The following HSF4 variants were observed in gnomAD, a reference collection of about 807,000 sequenced individuals.
HSF4 encodes heat shock transcription factor 4, also known as heat shock factor protein 4.
In HSF4, 41 loss-of-function variants were observed where a neutral mutation model predicts 52.0. The ratio of observed to expected loss-of-function variants is 0.79; its 90% CI spans 0.61 to 1.02. HSF4 has a LOEUF of 1.02. Among genes scored for constraint, HSF4 ranks in the 50% least tolerant of loss-of-function variants. The pLI, the probability that HSF4 is intolerant of heterozygous loss-of-function variation, is 0.00. For missense variants in HSF4, 610 were observed against 651.1 expected (o/e 0.94, Z 0.69); for synonymous variants, 285 against 273.0 (o/e 1.04, Z -0.43).
At position 67,169,894 on chromosome 16, in the gene HSF4, T is replaced by A. The variant is rs2031629419; in HGVS notation, c.*109T>A. 9.2e-7 allele frequency: 1 copy of A among 1,087,864 alleles called. No individual in the cohort carries two copies. The highest frequency in any genetic ancestry group is 1.4e-6 in the Non-Finnish European group (1 of 712,696). The allele number at this position is 1,087,864 out of a possible 1,614,324, so 67.4% of individuals were successfully genotyped here. A position where few individuals can be genotyped will look rare whatever the true frequency, so the allele number is the denominator to read the frequency against. On this transcript the variant is annotated 3_prime_UTR_variant, in exon 13 of 13. Transcript: ENST00000521374. This position sits in a 1 kb window ranked among gnomAD's most constrained non-coding sequence, Gnocchi z 4.3. ...GCGAAGCCCCCACTACTAAATGGCC[T>A]CTCTCCACTACCCCGACTATCCCTG... is the stretch of plus-strand genomic sequence containing the variant.
In HSF4 at chr16:67,169,929, T is replaced by A; in HGVS notation, c.*144T>A. On this transcript the variant is annotated 3_prime_UTR_variant, in exon 13 of 13. Transcript: ENST00000521374. The surrounding 1 kb of genome is among the most constrained non-coding windows in gnomAD (Gnocchi z 4.3). ...ACCCCGACTATCCCTGCACATAAAC[T>A]CCGTTTTTTTTTTTTCTGTTTCTGG... 5 of 748,982 alleles carry A rather than the reference T, an allele frequency of 6.7e-6. No homozygotes were observed. The highest frequency in any genetic ancestry group is 1.1e-5 in the Non-Finnish European group (5 of 457,312). 46.4% of individuals were successfully genotyped at this position (748,982 alleles called of 1,614,324 possible).
chr16:67,164,352 C>T (rs1392297661), upstream of HSF4: 7 of 393,544 alleles, frequency 1.8e-5, no homozygotes, highest in African/African-American at 2.1e-5. Flanking sequence ...TCCCGGGGTT[C>T]GGCGGGAGGG....
At chr16:67,166,530 A>G (rs1217329966) in intron 5 of HSF4, 28 bp from the exon 6 acceptor site, 1 of 1,613,116 alleles carries the variant, frequency 6.2e-7, no homozygotes, top group Non-Finnish European at 8.5e-7. Flanking sequence ...TGTCCAAAGT[A>G]TGAATTAAAC....
chr16:67,164,763 G>A lies in HSF4; in HGVS notation c.-49G>A, dbSNP rs758907777. On this transcript the variant is annotated 5_prime_UTR_variant, in exon 1 of 13. Coordinates refer to ENST00000521374, the MANE Select transcript of HSF4 (RefSeq NM_001374675.1). ...ACGCAGCACTTTCCGCGGCTTTGAC[G>A]AGCCCGCAGCGGCCGGGCCCGAGCG... 1.9e-6 allele frequency: 3 copies of A among 1,555,312 alleles called. No homozygotes were observed. The highest frequency in any genetic ancestry group is 2.4e-5 in the East Asian group (1 of 41,576).
At position 67,165,315 on chromosome 16, in the gene HSF4, G is replaced by T. The variant is rs1246923452; in HGVS notation, c.124-207G>T. 5 of 610,654 alleles carry T rather than the reference G, an allele frequency of 8.2e-6. No individual in the cohort carries two copies. The East Asian group carries it at 1.4e-4, about 17-fold the overall frequency. The allele number at this position is 610,654 out of a possible 1,614,324, so 37.8% of individuals were successfully genotyped here. ...TGAGTATGGAGTCAGGGTCTGGCTG[G>T]GGGTAGGGACTCACTGTGGTCGCTC... On this transcript the variant is annotated intron_variant, in intron 1 of 12. Transcript: ENST00000521374. This position sits in a 1 kb window ranked among gnomAD's most constrained non-coding sequence, Gnocchi z 6.9.
rs916801982 is a variant in HSF4, at chr16:67,166,090, AAG to A, written c.485+23_485+24del. ...CAGGCAGTGCGGGGGCGGGCGGGGA[AAG>A]AGGGGACAGGGGTGGGGGGTTCGGG... On this transcript the variant is annotated intron_variant, in intron 4 of 12. Coordinates refer to ENST00000521374, the MANE Select transcript of HSF4 (RefSeq NM_001374675.1). The A allele has an allele frequency of 5.3e-6, 7 of 1,322,690 alleles. No individual in the cohort carries two copies. Among genetic ancestry groups the A allele is most frequent in the Non-Finnish European group, 7.3e-6 (7 of 957,776 alleles). 81.9% of individuals were successfully genotyped at this position (1,322,690 alleles called of 1,614,324 possible).
At chr16:67,167,043 A>T in intron 6 of HSF4, 77 bp from the exon 7 acceptor site, 2 of 1,601,886 alleles carry the variant, frequency 1.2e-6, no homozygotes, top group South Asian at 2.2e-5. Context: ...GGCCTGAGGG[A>T]GGGAGGGAAG....
chr16:67,167,021 C>G, intron 6 of HSF4, 99 bp from the exon 7 acceptor site: 1 of 1,554,628 alleles, frequency 6.4e-7, no homozygotes, highest in Non-Finnish European at 8.8e-7. Flanking sequence ...GCTCTGCTGA[C>G]TTGGCTGCTG....
rs570652365 is a variant in HSF4 at position 67,169,364 on chromosome 16, A to C, written c.1324+16A>C. 8.5e-5 allele frequency: 137 copies of C among 1,610,096 alleles called. 2 individuals are homozygous for C. In the South Asian group the frequency reaches 1.5e-3, roughly 17 times the overall value. On this transcript the variant is annotated intron_variant, in intron 12 of 12. Transcript: ENST00000521374. The surrounding 1 kb of genome is among the most constrained non-coding windows in gnomAD (Gnocchi z 4.3). Reference sequence around the variant, plus strand: ...CCAAGCCCAGGTAATGGTTGTGATGACTCCTACCTGGGAGGACGCCGTGAT... The same window carrying C: ...CCAAGCCCAGGTAATGGTTGTGATGCCTCCTACCTGGGAGGACGCCGTGAT...
Position 67,169,880 on chromosome 16 carries a change from A to G in HSF4, c.*95A>G. 1 of 1,329,966 alleles carries G rather than the reference A, an allele frequency of 7.5e-7. No individual in the cohort carries two copies. The highest frequency in any genetic ancestry group is 1.2e-5 in the South Asian group (1 of 85,414). 82.4% of individuals were successfully genotyped at this position (1,329,966 alleles called of 1,614,324 possible). On this transcript the variant is annotated 3_prime_UTR_variant, in exon 13 of 13. Transcript: ENST00000521374. This position sits in a 1 kb window ranked among gnomAD's most constrained non-coding sequence, Gnocchi z 4.3. ...CCTATCGGGGGTGAGCGAAGCCCCC[A>G]CTACTAAATGGCCTCTCTCCACTAC...
Position 67,169,664 on chromosome 16 carries a change from T to C in HSF4, c.1358T>C (p.Leu453Pro). ...KDPTLGAPLL[L>P]DVQAALGGPA... ...CCCACGCTCGGGGCCCCACTCCTGCTGGATGTCCAGGCGGCCTTGGGAGGC... is the reference window on the plus strand; with the variant it reads ...CCCACGCTCGGGGCCCCACTCCTGCCGGATGTCCAGGCGGCCTTGGGAGGC... The change falls in exon 13 of 13, where the codon CTG (leucine) becomes CCG (proline). Residue 453 changes from leucine (L) to proline (P), a missense_variant. Leu to Pro is a moderately conservative substitution (Grantham distance 98, BLOSUM62 -3). Coordinates refer to ENST00000521374, the MANE Select transcript of HSF4 (RefSeq NM_001374675.1). This position sits in a 1 kb window ranked among gnomAD's most constrained non-coding sequence, Gnocchi z 4.3. The C allele has an allele frequency of 6.2e-7, 1 of 1,611,578 alleles. No homozygotes were observed. Among genetic ancestry groups the C allele is most frequent in the Non-Finnish European group, 8.5e-7 (1 of 1,179,988 alleles).
Position 67,165,096 on chromosome 16 carries a change from C to A in HSF4, c.123+162C>A. On this transcript the variant is annotated intron_variant, in intron 1 of 12. Transcript: ENST00000521374. The surrounding 1 kb of genome is among the most constrained non-coding windows in gnomAD (Gnocchi z 6.9). ...GAGGGGGTGTGCGAGAGGGGGGTTT[C>A]CTCTGCGGCCGAAGAAGGGTTAGGA... 2.6e-6 allele frequency: 2 copies of A among 783,978 alleles called. No homozygotes were observed. Among genetic ancestry groups the A allele is most frequent in the Non-Finnish European group, 2.0e-6 (1 of 505,838 alleles). 48.6% of individuals were successfully genotyped at this position (783,978 alleles called of 1,614,324 possible).
At chr16:67,166,135 C>T (rs1206880234) in intron 4 of HSF4, 65 bp downstream of exon 4, 3 of 1,485,742 alleles carry the variant, frequency 2.0e-6, no homozygotes, top group African/African-American at 1.4e-5. Flanking sequence ...CATAACTGGC[C>T]GGCCAGCAGT....
upstream of HSF4, chr16:67,164,122 C>T (rs1460772967): frequency 4.7e-5 from 31 of 662,620 alleles, no homozygotes; most frequent in Admixed American, 6.2e-4. Flanking sequence ...AGGGAGGGCA[C>T]GGGCGCGGGC....
chr16:67,164,558 A>ACCCCCCCCCCCCCCCCCCCCCCCCCCCC, upstream of HSF4: 1 of 376,948 alleles, frequency 2.7e-6, no homozygotes, highest in Non-Finnish European at 5.2e-6. Flanking sequence ...ATCTCACCCC[A>ACCCCCCCCCCCCCCCCCCCCCCCCCCCC]CCCCACCCCA....
intron 9 of HSF4, among the ~76,000 whole-genome samples, chr16:67,168,500 G>T (rs1267463968): frequency 6.7e-6 from 1 of 149,506 alleles, no homozygotes; most frequent in Non-Finnish European, 1.5e-5. Flanking sequence ...AAGAAGGAAA[G>T]AGAGAGAGAG....
intron 4 of HSF4, 42 bp downstream of exon 4, chr16:67,166,112 T>C (rs1414463454): frequency 4.2e-6 from 6 of 1,430,410 alleles, no homozygotes; most frequent in South Asian, 2.5e-5. Flanking sequence ...GGGTGGGGGG[T>C]TCGGGATGAG....
In HSF4 at chr16:67,169,362, T is replaced by C; in HGVS notation, c.1324+14T>C. Reference sequence around the variant, plus strand: ...CTCCAAGCCCAGGTAATGGTTGTGATGACTCCTACCTGGGAGGACGCCGTG... The same window carrying C: ...CTCCAAGCCCAGGTAATGGTTGTGACGACTCCTACCTGGGAGGACGCCGTG... On this transcript the variant is annotated intron_variant, in intron 12 of 12. Coordinates refer to ENST00000521374, the MANE Select transcript of HSF4 (RefSeq NM_001374675.1). This position sits in a 1 kb window ranked among gnomAD's most constrained non-coding sequence, Gnocchi z 4.3. The C allele has an allele frequency of 6.2e-7, 1 of 1,611,034 alleles. No individual in the cohort carries two copies. The highest frequency in any genetic ancestry group is 8.5e-7 in the Non-Finnish European group (1 of 1,178,778).
Position 67,165,886 on chromosome 16 carries a change from G to A in HSF4, c.360+40G>A. On this transcript the variant is annotated intron_variant, in intron 3 of 12. Transcript: ENST00000521374. The surrounding 1 kb of genome is among the most constrained non-coding windows in gnomAD (Gnocchi z 6.9). ...CGGGAATGAGCAAAGAGGAGGAGGG[G>A]TGCTGGGACTGCCTGCCTTGCTCCT... 1 of 1,596,578 alleles carries A rather than the reference G, an allele frequency of 6.3e-7. No homozygotes were observed. Among genetic ancestry groups the A allele is most frequent in the South Asian group, 1.1e-5 (1 of 90,890 alleles).
Sources: gnomAD v4.1 joint callset for allele counts (sites outside exome capture counted in the v4.1 genomes callset) on GRCh38, gnomAD v4.1.1 for gene constraint, Gnocchi (gnomAD v3.1) non-coding constraint, MANE v1.5 for transcripts, NCBI Gene and HGNC (gene_info 2026-07-23, HGNC 2026-07-21) for gene names.